GLI3: variants seen among roughly 807,000 people sequenced by gnomAD.
GLI3 encodes the protein GLI family zinc finger 3, also known as transcription activator GLI3.
A neutral mutation model predicts 100.8 loss-of-function variants in GLI3; 20 were observed. That is an observed-to-expected ratio of 0.20 (90% confidence interval 0.14 to 0.29). The LOEUF is 0.29. GLI3 is among the 10% of genes least tolerant of loss of function. The pLI is 1.00. For missense variants in GLI3, 2,040 were observed against 2,128.5 expected (o/e 0.96, Z 0.82); for synonymous variants, 938 against 860.5 (o/e 1.09, Z -1.58).
At chr7:42,123,498 C>T (rs750246944) in intron 3 of GLI3, among the ~76,000 whole-genome samples, 4 of 152,136 alleles carry the variant, frequency 2.6e-5, no homozygotes, top group Non-Finnish European at 4.4e-5. Flanking sequence ...TTCAGAGATA[C>T]AAAAACGTAA....
intron 2 of GLI3, among the ~76,000 whole-genome samples, chr7:42,184,481 G>A (rs1245760546): frequency 6.6e-6 from 1 of 152,148 alleles, no homozygotes; most frequent in South Asian, 2.1e-4. Context: ...ACTAGAAGGC[G>A]GGCCTGCTCT....
At chr7:42,019,411 C>T (rs1335868371) in intron 10 of GLI3, among the ~76,000 whole-genome samples, 1 of 152,156 alleles carries the variant, frequency 6.6e-6, no homozygotes, top group Non-Finnish European at 1.5e-5. Flanking sequence ...ACTTACTTCT[C>T]GGACAAAATT....
chr7:42,210,410 T>A (rs1788248888), intron 2 of GLI3, among the ~76,000 whole-genome samples: 1 of 143,080 alleles, frequency 7.0e-6, no homozygotes, highest in Non-Finnish European at 1.5e-5. Flanking sequence ...CTTGTACTTG[T>A]ATTATTAGTA....
In GLI3 at chr7:42,183,751, A is replaced by G. The variant is rs185195612; in HGVS notation, c.125-35283T>C. 3.3e-5 allele frequency among the ~76,000 whole-genome samples: 5 copies of G among 152,322 alleles called. No individual in the cohort carries two copies. In the East Asian group the frequency reaches 7.7e-4, roughly 23 times the overall value. The stretch of plus-strand genomic sequence containing the variant: ...GTCATCTTGGATTCCTCTCTCCACA[A>G]CATAGGCTGAGTCCATCCACTTCCC... On this transcript the variant is annotated intron_variant, in intron 2 of 14. Transcript: ENST00000395925.
At chr7:42,263,449 T>G (rs1562803908) in intron 1 of GLI3, among the ~76,000 whole-genome samples, 1 of 50,252 alleles carries the variant, frequency 2.0e-5, no homozygotes, top group Non-Finnish European at 5.7e-5. Context: ...CTTATTTTAT[T>G]TATTTTTTTT....
chr7:42,211,838 T>G (rs972355792), intron 2 of GLI3, among the ~76,000 whole-genome samples: 5 of 152,168 alleles, frequency 3.3e-5, no homozygotes, highest in Admixed American at 6.5e-5. Flanking sequence ...GTCCTCAAAA[T>G]GAATTTGCTG....
intron 2 of GLI3, among the ~76,000 whole-genome samples, chr7:42,202,933 A>G (rs1278498181): frequency 6.6e-6 from 1 of 152,136 alleles, no homozygotes; most frequent in Non-Finnish European, 1.5e-5. Context: ...CCTAAACCCA[A>G]TTCTTCTATT....
At chr7:42,133,271 A>G (rs2128778457) in intron 3 of GLI3, among the ~76,000 whole-genome samples, 1 of 152,350 alleles carries the variant, frequency 6.6e-6, no homozygotes, top group African/African-American at 2.4e-5. Context: ...CAAATGAAAC[A>G]AGGAACTCTG....
At chr7:42,174,932 T>C (rs930944564) in intron 2 of GLI3, among the ~76,000 whole-genome samples, 5 of 152,324 alleles carry the variant, frequency 3.3e-5, no homozygotes, top group African/African-American at 1.2e-4. Flanking sequence ...GGAAGTGTTC[T>C]ATAGATGTCA....
chr7:42,024,431 C>T (rs543034596), intron 9 of GLI3, among the ~76,000 whole-genome samples: 2 of 5,378 alleles, frequency 3.7e-4, no homozygotes, highest in African/African-American at 4.7e-3. Flanking sequence ...CATTTCAGAG[C>T]CCGTGACACA....
intron 2 of GLI3, among the ~76,000 whole-genome samples, chr7:42,186,383 T>C (rs1365189105): frequency 6.6e-6 from 1 of 152,216 alleles, no homozygotes; most frequent in Non-Finnish European, 1.5e-5. Context: ...GCCTGGCGTA[T>C]AGCAGGTACC....
chr7:42,114,991 C>T (rs993761771), intron 3 of GLI3, among the ~76,000 whole-genome samples: 47 of 151,876 alleles, frequency 3.1e-4, no homozygotes, highest in African/African-American at 1.1e-3. Flanking sequence ...CTTGAGCCAC[C>T]GCACCGACCA....
chr7:42,208,351 A>G (rs1339843915), intron 2 of GLI3, among the ~76,000 whole-genome samples: 1 of 152,080 alleles, frequency 6.6e-6, no homozygotes, highest in Non-Finnish European at 1.5e-5. Flanking sequence ...TCTAAAATGA[A>G]TTATTTTAAT....
chr7:41,968,721 A>AAAGG (rs1787264607), intron 13 of GLI3, among the ~76,000 whole-genome samples: 21 of 103,158 alleles, frequency 2.0e-4, no homozygotes, highest in Non-Finnish European at 3.8e-4. Flanking sequence ...AAGAAGAAAG[A>AAAGG]AAGAAAGAAA....
At chr7:41,979,294 A>AT (rs750974509) in intron 10 of GLI3, among the ~76,000 whole-genome samples, 2 of 152,248 alleles carry the variant, frequency 1.3e-5, no homozygotes, top group Non-Finnish European at 2.9e-5. Flanking sequence ...CTCAGGGTTA[A>AT]TCAGACTGCT....
At chr7:42,110,593 C>A (rs571543078) in intron 3 of GLI3, among the ~76,000 whole-genome samples, 2 of 152,282 alleles carry the variant, frequency 1.3e-5, no homozygotes, top group African/African-American at 4.8e-5. Flanking sequence ...AAAACACATG[C>A]CCTGCACAGC....
upstream of GLI3, chr7:42,238,020 C>A: frequency 6.8e-6 from 1 of 146,682 alleles, no homozygotes; most frequent in Non-Finnish European, 1.4e-5. Flanking sequence ...CCTCCTCCTC[C>A]TCCTTCTCCT....
At chr7:42,241,138 A>G (rs182989444), upstream of GLI3, among the ~76,000 whole-genome samples, 4 of 152,332 alleles carry the variant, frequency 2.6e-5, no homozygotes, top group Admixed American at 6.5e-5. Context: ...TGCTTTAGGC[A>G]AAACAGGATC....
chr7:42,238,372 C>CA (rs1788877521), upstream of GLI3, among the ~76,000 whole-genome samples: 1 of 152,142 alleles, frequency 6.6e-6, no homozygotes, highest in Non-Finnish European at 1.5e-5. Flanking sequence ...CTTGGCTCCC[C>CA]ATCTCCTTGT....
Sources: allele counts gnomAD v4.1 joint callset (sites outside exome capture counted in the v4.1 genomes callset), GRCh38; gene constraint gnomAD v4.1.1; transcripts MANE v1.5; gene names NCBI Gene and HGNC (gene_info 2026-07-23, HGNC 2026-07-21).